The following TENT2 variants were observed in gnomAD, a reference collection of about 807,000 sequenced individuals.
TENT2 encodes the protein poly(A) RNA polymerase GLD2.
Under a neutral mutation model 72.2 loss-of-function variants are expected in TENT2, and 44 were observed. The ratio of observed to expected loss-of-function variants is 0.61; its 90% CI spans 0.48 to 0.78. The LOEUF (loss-of-function observed/expected upper bound fraction) is 0.78, where lower values mean the gene tolerates loss of function less well. TENT2 is among the 30% of genes least tolerant of loss of function. The pLI is 0.00. For missense variants in TENT2, 541 were observed against 569.6 expected (o/e 0.95, Z 0.51); for synonymous variants, 212 against 192.5 (o/e 1.10, Z -0.84).
intron 10 of TENT2, chr5:79,656,736 C>T: frequency 2.3e-6 from 1 of 432,106 alleles, no homozygotes; most frequent in South Asian, 3.5e-5. Flanking sequence ...CATTGATTTA[C>T]ATAGGGATAT....
At chr5:79,613,973 A>C (rs889004483) in intron 1 of TENT2, 1 of 151,912 alleles carries the variant, frequency 6.6e-6, no homozygotes, top group African/African-American at 2.4e-5. Flanking sequence ...TGAAGGAATT[A>C]TATATAACCT....
In TENT2 at chr5:79,679,635, G is replaced by T. The variant is rs547456591; in HGVS notation, c.1265G>T (p.Gly422Val). The change falls in exon 13 of 15, where the codon GGT becomes GTT. Residue 422 changes from glycine (G) to valine (V), a missense_variant. Gly to Val is a moderately radical substitution (Grantham distance 109). Transcript: ENST00000453514. ...GCCAAAGCCATTCCAAGGCCTGATGGTATTGAATGGAGAAATAAATACATC... is the reference window on the plus strand; with the variant it reads ...GCCAAAGCCATTCCAAGGCCTGATGTTATTGAATGGAGAAATAAATACATC... ...REAKAIPRPD[G>V]IEWRNKYICV... 2 of 1,601,712 alleles carry T rather than the reference G, an allele frequency of 1.2e-6. No homozygotes were observed. The highest frequency in any genetic ancestry group is 1.1e-5 in the South Asian group (1 of 88,474).
chr5:79,654,220 T>C (rs1286787453), intron 10 of TENT2, among the ~76,000 whole-genome samples: 1 of 151,918 alleles, frequency 6.6e-6, no homozygotes, highest in Non-Finnish European at 1.5e-5. Context: ...TCACTTGAGG[T>C]CAGGAATTCG....
chr5:79,635,645 C>G (rs1357716309), intron 4 of TENT2, among the ~76,000 whole-genome samples: 1 of 152,078 alleles, frequency 6.6e-6, no homozygotes, highest in African/African-American at 2.4e-5. Context: ...ACCTCTGCCT[C>G]CAGGGTTCAA....
chr5:79,655,107 T>A (rs961816618), intron 10 of TENT2, among the ~76,000 whole-genome samples: 1 of 152,164 alleles, frequency 6.6e-6, no homozygotes, highest in Admixed American at 6.5e-5. Flanking sequence ...ATAGTCAGAT[T>A]TTTCCAGAAT....
intron 14 of TENT2, 82 bp downstream of exon 14, chr5:79,682,143 C>A (rs1822470204): frequency 3.4e-6 from 3 of 892,158 alleles, no homozygotes; most frequent in African/African-American, 1.7e-5. Flanking sequence ...TGTAGTAGGA[C>A]AGAATGGTTT....
At chr5:79,668,638 A>G in intron 11 of TENT2, 1 of 350,708 alleles carries the variant, frequency 2.9e-6, no homozygotes, top group East Asian at 4.8e-5. Context: ...ATCTTCTGCT[A>G]AATAGCGATC....
In TENT2 at chr5:79,630,301, G is replaced by A. The variant is rs866374717; in HGVS notation, c.465+6812G>A. 5.1e-4 allele frequency among the ~76,000 whole-genome samples: 77 copies of A among 151,960 alleles called. 1 individual carries two copies. The highest frequency in any genetic ancestry group is 1.7e-3 in the African/African-American group (71 of 41,434). On this transcript the variant is annotated intron_variant, in intron 4 of 14. Coordinates refer to ENST00000453514, the MANE Select transcript of TENT2 (RefSeq NM_001114394.3). The stretch of plus-strand genomic sequence containing the variant: ...AAGATGAATGAGTTAACTAGTTAAA[G>A]AGTGGTGGGAGCCAGGCGCAGTGGC...
chr5:79,644,734 T>C (rs1001282599), intron 7 of TENT2: 1 of 156,940 alleles, frequency 6.4e-6, no homozygotes, highest in Non-Finnish European at 1.4e-5. Flanking sequence ...CCGTGTATCA[T>C]GTTGCAAAGC....
chr5:79,657,830 T>C (rs1179045140), intron 11 of TENT2, among the ~76,000 whole-genome samples: 2 of 152,208 alleles, frequency 1.3e-5, no homozygotes, highest in Admixed American at 6.5e-5. Flanking sequence ...TGGTTTCATA[T>C]ACTTATAAGA....
chr5:79,682,727 T>C (rs539557824), intron 14 of TENT2, among the ~76,000 whole-genome samples: 2 of 152,362 alleles, frequency 1.3e-5, no homozygotes, highest in South Asian at 4.1e-4. Flanking sequence ...CTTTTTCTAA[T>C]GTATACCCCA....
chr5:79,644,881 C>T (rs975236985), intron 7 of TENT2: 1 of 360,428 alleles, frequency 2.8e-6, no homozygotes, highest in Non-Finnish European at 5.0e-6. Flanking sequence ...TAATGAACTT[C>T]TCTATAGATA....
At chr5:79,667,949 G>GAA (rs756337563) in intron 11 of TENT2, among the ~76,000 whole-genome samples, 2 of 137,526 alleles carry the variant, frequency 1.5e-5, no homozygotes, top group African/African-American at 5.2e-5. Context: ...TTTTTTTAAC[G>GAA]AAAAAAAAAA....
At chr5:79,665,594 T>C (rs1806903162) in intron 11 of TENT2, among the ~76,000 whole-genome samples, 1 of 152,208 alleles carries the variant, frequency 6.6e-6, no homozygotes, top group Non-Finnish European at 1.5e-5. Flanking sequence ...ACGTGTCTTC[T>C]AAAGGATCAA....
At chr5:79,643,790 T>G (rs1282864221) in intron 7 of TENT2, among the ~76,000 whole-genome samples, 1 of 152,160 alleles carries the variant, frequency 6.6e-6, no homozygotes, top group African/African-American at 2.4e-5. Context: ...GATCATGTAA[T>G]TCACATGAAT....
chr5:79,641,222 G>C, intron 6 of TENT2, 26 bp downstream of exon 6: 1 of 1,507,144 alleles, frequency 6.6e-7, no homozygotes, highest in Non-Finnish European at 8.9e-7. Context: ...TTTATTCCAA[G>C]TGTGTTTCTC....
At chr5:79,671,171 C>G (rs1440730010) in intron 12 of TENT2, among the ~76,000 whole-genome samples, 1 of 152,014 alleles carries the variant, frequency 6.6e-6, no homozygotes, top group Non-Finnish European at 1.5e-5. Flanking sequence ...GGAAACTAGT[C>G]TGCTGGGTCA....
chr5:79,645,951 C>T (rs144239201), intron 8 of TENT2, among the ~76,000 whole-genome samples: 254 of 152,232 alleles, frequency 1.7e-3, no homozygotes, highest in African/African-American at 5.6e-3. Flanking sequence ...AATATTCATA[C>T]GCTTTTGTGG....
rs190804939 is a variant in TENT2 at position 79,681,621 on chromosome 5, C to T, written c.1301-361C>T. 3.1e-3 allele frequency: 498 copies of T among 159,428 alleles called. 1 individual carries two copies. Among genetic ancestry groups the T allele is most frequent in the Non-Finnish European group, 5.7e-3 (416 of 73,062 alleles). 9.9% of individuals were successfully genotyped at this position (159,428 alleles called of 1,614,324 possible). On this transcript the variant is annotated intron_variant, in intron 13 of 14. Coordinates refer to ENST00000453514, the MANE Select transcript of TENT2 (RefSeq NM_001114394.3). The stretch of plus-strand genomic sequence containing the variant: ...ATATTTAACATTAACTGCCTCTCTT[C>T]GATATAATGCTTTCTTCTTTTTGAT...
Sources: allele counts gnomAD v4.1 joint callset (sites outside exome capture counted in the v4.1 genomes callset), GRCh38; gene constraint gnomAD v4.1.1; transcripts MANE v1.5; gene names NCBI Gene and HGNC (gene_info 2026-07-23, HGNC 2026-07-21).